SEC23B: variants seen among roughly 807,000 people sequenced by gnomAD.
The protein encoded by SEC23B is SEC23 homolog B, COPII component, also known as protein transport protein Sec23B.
Under a neutral mutation model 104.3 loss-of-function variants are expected in SEC23B, and 77 were observed. The ratio of observed to expected loss-of-function variants is 0.74; its 90% CI spans 0.61 to 0.89. The LOEUF is 0.89. Ranked by LOEUF, SEC23B falls within the 40% of genes least tolerant of loss-of-function variation. The probability of loss-of-function intolerance (pLI) is 0.00; values close to 1 mark genes in which losing one functional copy is unlikely to be tolerated. For missense variants in SEC23B, 885 were observed against 949.4 expected, an observed-to-expected ratio of 0.93 and a Z score of 0.89; for synonymous variants, 338 against 332.5, an observed-to-expected ratio of 1.02 and a Z score of -0.18.
intron 11 of SEC23B, among the ~76,000 whole-genome samples, chr20:18,534,680 C>T (rs2060212764): frequency 6.6e-6 from 1 of 152,206 alleles, no homozygotes; most frequent in African/African-American, 2.4e-5. Flanking sequence ...TGGTTTTTAG[C>T]ATCCATTGAT....
intron 11 of SEC23B, among the ~76,000 whole-genome samples, chr20:18,533,602 A>T (rs1298286298): frequency 6.6e-6 from 1 of 152,226 alleles, no homozygotes; most frequent in African/African-American, 2.4e-5. Context: ...TGAAGCAGTT[A>T]GTGCCTGGCA....
At chr20:18,512,837 G>A (rs890925869) in intron 3 of SEC23B, among the ~76,000 whole-genome samples, 13 of 152,130 alleles carry the variant, frequency 8.5e-5, no homozygotes, top group Non-Finnish European at 1.8e-4. Flanking sequence ...GGATCATGAG[G>A]TCAAGAAATC....
At chr20:18,519,947 A>G (rs1367539084) in intron 4 of SEC23B, among the ~76,000 whole-genome samples, 1 of 152,172 alleles carries the variant, frequency 6.6e-6, no homozygotes, top group Non-Finnish European at 1.5e-5. Flanking sequence ...GACTGAAGTA[A>G]TGGGGGCTGT....
In SEC23B at chr20:18,524,425, G is replaced by C. The variant is rs1363603308; in HGVS notation, c.367-8G>C. ...ATTGATCATTATGCTGTTTTTCTTT[G>C]CCCAAAGCGAGGTGCTCAGTCCCCT... On this transcript the variant is annotated splice_polypyrimidine_tract_variant and splice_region_variant and intron_variant, in intron 4 of 19. Transcript: ENST00000650089. The C allele has an allele frequency of 1.2e-6, 2 of 1,606,118 alleles. No individual in the cohort carries two copies. Among genetic ancestry groups the C allele is most frequent in the Admixed American group, 1.7e-5 (1 of 60,000 alleles).
At chr20:18,554,536 T>G in intron 18 of SEC23B, 146 bp downstream of exon 18, 1 of 1,172,660 alleles carries the variant, frequency 8.5e-7, no homozygotes, top group South Asian at 1.3e-5. Context: ...TCTTTTTAAA[T>G]GAGTGGTCAG....
chr20:18,516,534 C>CTTTTTTTTTCT (rs2060028745), intron 4 of SEC23B, among the ~76,000 whole-genome samples: 1 of 142,732 alleles, frequency 7.0e-6, no homozygotes, highest in Non-Finnish European at 1.5e-5. Context: ...TTTTTGGGCT[C>CTTTTTTTTTCT]TTTTTTTTTT....
chr20:18,525,673 A>G lies in SEC23B; in HGVS notation c.690-115A>G. On this transcript the variant is annotated intron_variant, in intron 6 of 19. Coordinates refer to ENST00000650089, the MANE Select transcript of SEC23B (RefSeq NM_006363.6). ...GATAGCTTTGAAGAAAAAAATTACC[A>G]GTCAGTTACTACTCTGAATAATTAT... The G allele has an allele frequency of 3.6e-6, 4 of 1,115,378 alleles. No individual in the cohort carries two copies. The Admixed American group carries it at 7.8e-5, about 22-fold the overall frequency. The allele number at this position is 1,115,378 out of a possible 1,614,324, so 69.1% of individuals were successfully genotyped here.
intron 17 of SEC23B, among the ~76,000 whole-genome samples, chr20:18,551,953 TGTC>T (rs1298548740): frequency 2.0e-5 from 3 of 152,126 alleles, no homozygotes; most frequent in African/African-American, 7.2e-5. Flanking sequence ...CTTTACGCTG[TGTC>T]TGTGGATCCC....
rs200953926 is a variant in SEC23B, at chr20:18,550,156, ATAAT to A, written c.1906-932_1906-929del. On this transcript the variant is annotated intron_variant, in intron 16 of 19. Coordinates refer to ENST00000650089, the MANE Select transcript of SEC23B (RefSeq NM_006363.6). ...AATATAAAATATTACTTACAAATAA[ATAAT>A]AAACGTATTTTTTTTTGAGATGGGG... Among the ~76,000 whole-genome samples, 357 of 138,574 alleles carry A rather than the reference ATAAT, an allele frequency of 2.6e-3. 5 individuals carry two copies. Among genetic ancestry groups the A allele is most frequent in the Admixed American group, 0.022 (291 of 13,406 alleles). 90.9% of individuals were successfully genotyped at this position (138,574 alleles called of 152,430 possible). A position where few individuals can be genotyped will look rare whatever the true frequency, so the allele number is the denominator to read the frequency against.
chr20:18,520,744 G>C (rs944265769), intron 4 of SEC23B, among the ~76,000 whole-genome samples: 2 of 151,996 alleles, frequency 1.3e-5, no homozygotes, highest in African/African-American at 4.8e-5. Flanking sequence ...TGTGGAGTGG[G>C]TAGCCTCTGT....
At position 18,546,465 on chromosome 20, in the gene SEC23B, C is replaced by T. The variant is rs556977281; in HGVS notation, c.1743+432C>T. On this transcript the variant is annotated intron_variant, in intron 15 of 19. Transcript: ENST00000650089. ...TATGTGCATCATAACCAGGAGTGAGCAATAAGCAGCTCCTGAAAGTAACTG... is the reference window on the plus strand; with the variant it reads ...TATGTGCATCATAACCAGGAGTGAGTAATAAGCAGCTCCTGAAAGTAACTG... Among the ~76,000 whole-genome samples the T allele has an allele frequency of 2.0e-5, 3 of 152,230 alleles. No homozygotes were observed. In the South Asian group the frequency reaches 6.2e-4, roughly 32 times the overall value.
chr20:18,513,549 G>A (rs1270288426), intron 3 of SEC23B, among the ~76,000 whole-genome samples: 4 of 152,258 alleles, frequency 2.6e-5, no homozygotes, highest in East Asian at 1.9e-4. Context: ...CAGATCTTAA[G>A]CTCTTCACAT....
intron 19 of SEC23B, among the ~76,000 whole-genome samples, chr20:18,560,122 A>AT (rs386393450): frequency 5.3e-5 from 8 of 151,794 alleles, no homozygotes; most frequent in South Asian, 2.1e-4. Context: ...ATATATATAT[A>AT]TTTTTAATTT....
At chr20:18,537,052 T>G (rs1383983426) in intron 12 of SEC23B, among the ~76,000 whole-genome samples, 1 of 152,152 alleles carries the variant, frequency 6.6e-6, no homozygotes, top group Admixed American at 6.5e-5. Context: ...CCTGTACAGT[T>G]CAAACCTGTG....
intron 4 of SEC23B, among the ~76,000 whole-genome samples, chr20:18,517,081 T>G (rs2060036206): frequency 6.6e-6 from 1 of 152,242 alleles, no homozygotes; most frequent in South Asian, 2.1e-4. Flanking sequence ...CTTTCTTCTG[T>G]TATTGATTTC....
At chr20:18,513,912 C>T (rs566982233) in intron 3 of SEC23B, among the ~76,000 whole-genome samples, 13 of 152,268 alleles carry the variant, frequency 8.5e-5, no homozygotes, top group African/African-American at 2.6e-4. Context: ...GGGTAGGTCA[C>T]TTAACTGCCT....
chr20:18,530,915 T>C (rs2060181584), intron 10 of SEC23B, 112 bp downstream of exon 10: 11 of 804,952 alleles, frequency 1.4e-5, no homozygotes, highest in Non-Finnish European at 2.3e-5. Context: ...GTGCTGGGAT[T>C]ATGAGGCATG....
intron 14 of SEC23B, among the ~76,000 whole-genome samples, chr20:18,543,841 A>G (rs2060310185): frequency 1.3e-5 from 2 of 152,294 alleles, no homozygotes; most frequent in South Asian, 4.1e-4. Flanking sequence ...TTTGAAGAAA[A>G]TCCACCCTCC....
In SEC23B at chr20:18,510,685, G is replaced by A. The variant is rs187400720; in HGVS notation, c.-14-137G>A. The A allele has an allele frequency of 4.3e-5, 30 of 699,262 alleles. No homozygotes were observed. The East Asian group carries it at 5.0e-4, about 12-fold the overall frequency. The allele number at this position is 699,262 out of a possible 1,614,324, so 43.3% of individuals were successfully genotyped here. A position where few individuals can be genotyped will look rare whatever the true frequency, so the allele number is the denominator to read the frequency against. On this transcript the variant is annotated intron_variant, in intron 1 of 19. Coordinates refer to ENST00000650089, the MANE Select transcript of SEC23B (RefSeq NM_006363.6). ...GGAGGCTGTGGCAGGAGAATCGCTT[G>A]AACCCGGGAGGTGGAGGCTGCAGTG...
Sources: allele counts gnomAD v4.1 joint callset (sites outside exome capture counted in the v4.1 genomes callset), GRCh38; gene constraint gnomAD v4.1.1; transcripts MANE v1.5; gene names NCBI Gene and HGNC (gene_info 2026-07-23, HGNC 2026-07-21).